RANBP2: variants seen among roughly 807,000 people sequenced by gnomAD.
RANBP2 encodes the protein E3 SUMO-protein ligase RanBP2.
RANBP2 carries 57 observed loss-of-function variants against 303.6 expected under a neutral mutation model. The observed-to-expected ratio is 0.19, with a 90% CI of 0.15 to 0.23. The LOEUF (loss-of-function observed/expected upper bound fraction) is 0.23. Ranked by LOEUF, RANBP2 falls within the 10% of genes least tolerant of loss-of-function variation. The pLI, the probability that RANBP2 is intolerant of heterozygous loss-of-function variation, is 1.00. For synonymous variants in RANBP2, 1,167 were observed against 1,301.5 expected, an observed-to-expected ratio of 0.90 and a Z score of 2.23; for missense variants, 3,138 against 3,780.8, an observed-to-expected ratio of 0.83 and a Z score of 4.46.
At chr2:108,991,088 T>A in the RANBP2 span, among the ~76,000 whole-genome samples, 2 of 151,992 alleles carry the variant, frequency 1.3e-5, no homozygotes, top group Non-Finnish European at 2.9e-5. Context: ...CAAGAAAAAA[T>A]TAAAATGGCA....
the RANBP2 span, among the ~76,000 whole-genome samples, chr2:109,080,415 GA>G: frequency 2.0e-5 from 3 of 152,252 alleles, no homozygotes; most frequent in East Asian, 5.8e-4. Flanking sequence ...GAGAGTGTCG[GA>G]GGGATGGAAT....
chr2:108,752,957 C>T (rs373617658), intron 12 of RANBP2, 41 bp from the exon 13 acceptor site: 114 of 1,605,150 alleles, frequency 7.1e-5, no homozygotes, highest in Non-Finnish European at 9.3e-5. Context: ...TCTAATCATG[C>T]GTGTTCCTTA....
At chr2:108,907,669 C>A in the RANBP2 span, among the ~76,000 whole-genome samples, 1 of 151,622 alleles carries the variant, frequency 6.6e-6, no homozygotes, top group Admixed American at 6.6e-5. Flanking sequence ...AAACAAAACT[C>A]AAAAACGAAA....
chr2:109,395,762 G>C, the RANBP2 span, among the ~76,000 whole-genome samples: 7 of 152,230 alleles, frequency 4.6e-5, no homozygotes, highest in Non-Finnish European at 5.9e-5. Flanking sequence ...CTGTGCTTCT[G>C]GCTGCTGTGT....
chr2:108,844,805 T>C, the RANBP2 span, among the ~76,000 whole-genome samples: 1 of 151,240 alleles, frequency 6.6e-6, no homozygotes, highest in Non-Finnish European at 1.5e-5. Flanking sequence ...TGGAGAGCAG[T>C]GGCACGATCT....
chr2:109,212,304 T>C, the RANBP2 span, among the ~76,000 whole-genome samples: 1 of 152,206 alleles, frequency 6.6e-6, no homozygotes, highest in Non-Finnish European at 1.5e-5. Context: ...TGGCTCGCTA[T>C]GGAGGAGGGG....
At chr2:109,760,893 T>G in the RANBP2 span, among the ~76,000 whole-genome samples, 2 of 110,838 alleles carry the variant, frequency 1.8e-5, no homozygotes, top group Non-Finnish European at 3.6e-5. Flanking sequence ...GTGGGGTGGG[T>G]CGGGGGCGCC....
the RANBP2 span, among the ~76,000 whole-genome samples, chr2:109,586,979 A>G: frequency 6.6e-6 from 1 of 152,228 alleles, no homozygotes; most frequent in Non-Finnish European, 1.5e-5. Flanking sequence ...TCTACTATAC[A>G]ATAAAAAAAT....
the RANBP2 span, among the ~76,000 whole-genome samples, chr2:109,601,862 G>A: frequency 3.9e-5 from 6 of 152,012 alleles, no homozygotes; most frequent in Non-Finnish European, 8.8e-5. Context: ...TATGAGTCAA[G>A]GAAATATGAC....
At chr2:108,728,769 C>T (rs1243809253) in intron 1 of RANBP2, among the ~76,000 whole-genome samples, 4 of 152,138 alleles carry the variant, frequency 2.6e-5, no homozygotes, top group South Asian at 2.1e-4. Context: ...CTTAGCCTCC[C>T]GAGTAGCTGG....
the RANBP2 span, among the ~76,000 whole-genome samples, chr2:109,257,140 G>A: frequency 6.6e-6 from 1 of 152,210 alleles, no homozygotes; most frequent in South Asian, 2.1e-4. Flanking sequence ...CTCTGCAGCC[G>A]ACATTCACTC....
chr2:109,313,156 T>A, the RANBP2 span, among the ~76,000 whole-genome samples: 1 of 152,198 alleles, frequency 6.6e-6, no homozygotes, highest in Non-Finnish European at 1.5e-5. Context: ...TCTGTGTGCA[T>A]GGGCTGAGCT....
the RANBP2 span, among the ~76,000 whole-genome samples, chr2:109,655,590 T>C: frequency 1.3e-5 from 2 of 151,978 alleles, no homozygotes; most frequent in Non-Finnish European, 2.9e-5. Flanking sequence ...GTGCATTTGG[T>C]TCTGCCCTGT....
intron 2 of RANBP2, among the ~76,000 whole-genome samples, chr2:108,729,830 C>A (rs1323174040): frequency 2.6e-5 from 4 of 151,838 alleles, no homozygotes; most frequent in South Asian, 2.1e-4. Context: ...AGAGATCTTC[C>A]CACCTCAGCG....
chr2:109,454,526 C>G, the RANBP2 span, among the ~76,000 whole-genome samples: 2 of 152,296 alleles, frequency 1.3e-5, no homozygotes, highest in East Asian at 3.9e-4. Context: ...AGAGCGCTCC[C>G]GCCGGCTGCC....
At chr2:109,673,489 GCT>G in the RANBP2 span, among the ~76,000 whole-genome samples, 3 of 152,194 alleles carry the variant, frequency 2.0e-5, no homozygotes, top group African/African-American at 4.8e-5. Flanking sequence ...CTAAGGCTCT[GCT>G]CTGTTTTGCC....
chr2:108,829,305 A>G, the RANBP2 span, among the ~76,000 whole-genome samples: 1 of 152,200 alleles, frequency 6.6e-6, no homozygotes, highest in Non-Finnish European at 1.5e-5. Context: ...AAAAGACCCT[A>G]TTTTTAAAAA....
the RANBP2 span, among the ~76,000 whole-genome samples, chr2:109,541,131 G>A: frequency 2.6e-5 from 4 of 152,134 alleles, no homozygotes; most frequent in Non-Finnish European, 5.9e-5. Flanking sequence ...ACATCACCAT[G>A]TTTCATGGTT....
the RANBP2 span, among the ~76,000 whole-genome samples, chr2:109,424,671 T>G: frequency 4.6e-5 from 7 of 152,230 alleles, no homozygotes; most frequent in African/African-American, 1.7e-4. Context: ...TGGAGTTGTT[T>G]TGGGCACCAT....
Sources: allele counts gnomAD v4.1 joint callset (sites outside exome capture counted in the v4.1 genomes callset), GRCh38; gene constraint gnomAD v4.1.1; transcripts MANE v1.5; gene names NCBI Gene and HGNC (gene_info 2026-07-23, HGNC 2026-07-21).